Variants in RASGRF1 observed in about 807,000 individuals in gnomAD.
RASGRF1 encodes Ras protein specific guanine nucleotide releasing factor 1, also known as ras-specific guanine nucleotide-releasing factor 1.
In RASGRF1, 40 loss-of-function variants were observed where a neutral mutation model predicts 138.7. The observed-to-expected ratio is 0.29, with a 90% CI of 0.22 to 0.38. The LOEUF (loss-of-function observed/expected upper bound fraction) is 0.38, where lower values mean the gene tolerates loss of function less well. Ranked by LOEUF, RASGRF1 falls within the 10% of genes least tolerant of loss-of-function variation. RASGRF1 has a pLI of 1.00. For missense variants in RASGRF1, 1,108 were observed against 1,650.4 expected, an observed-to-expected ratio of 0.67 and a Z score of 5.69; for synonymous variants, 614 against 663.2, an observed-to-expected ratio of 0.93 and a Z score of 1.14.
chr15:78,996,626 G>A (rs944186717), intron 19 of RASGRF1, among the ~76,000 whole-genome samples: 3 of 152,210 alleles, frequency 2.0e-5, no homozygotes, highest in Admixed American at 6.5e-5. Context: ...ATCACACCCA[G>A]GGAACAGGCT....
At chr15:79,059,415 T>A (rs2141052197) in intron 2 of RASGRF1, among the ~76,000 whole-genome samples, 1 of 140,828 alleles carries the variant, frequency 7.1e-6, no homozygotes, top group Admixed American at 7.3e-5. Flanking sequence ...TTCCCTTCCC[T>A]TCCCTTCCCT....
intron 26 of RASGRF1, among the ~76,000 whole-genome samples, chr15:78,965,055 T>C (rs1244034552): frequency 3.9e-5 from 6 of 152,282 alleles, no homozygotes; most frequent in Non-Finnish European, 8.8e-5. Flanking sequence ...ATAAAATAAA[T>C]GTTGCAATGA....
intron 13 of RASGRF1, chr15:79,012,641 TTTTC>T (rs2056818287): frequency 1.4e-6 from 2 of 1,463,700 alleles, no homozygotes; most frequent in Admixed American, 4.3e-5. Flanking sequence ...TTTGTTATTT[TTTTC>T]TTTCATAGGT....
intron 1 of RASGRF1, among the ~76,000 whole-genome samples, chr15:79,070,615 A>G (rs1023705080): frequency 6.6e-6 from 1 of 151,842 alleles, no homozygotes; most frequent in African/African-American, 2.4e-5. Context: ...TGAGGTTCTC[A>G]CCTCAGTTTC....
chr15:78,985,327 G>C, intron 22 of RASGRF1, 123 bp from the exon 23 acceptor site: 1 of 1,064,882 alleles, frequency 9.4e-7, no homozygotes, highest in South Asian at 1.6e-5. Context: ...AAAACTACGA[G>C]AACAACTAAC....
intron 20 of RASGRF1, 34 bp from the exon 21 acceptor site, chr15:78,991,828 T>C: frequency 6.4e-7 from 1 of 1,566,080 alleles, no homozygotes. Context: ...CATTTTGAGT[T>C]AGGCCCATGA....
At chr15:79,086,115 G>T (rs1367841554) in intron 1 of RASGRF1, among the ~76,000 whole-genome samples, 1 of 152,164 alleles carries the variant, frequency 6.6e-6, no homozygotes, top group Non-Finnish European at 1.5e-5. Context: ...GCATGGTCTG[G>T]AACGGGTTGG....
intron 5 of RASGRF1, among the ~76,000 whole-genome samples, chr15:79,036,479 C>T (rs2057223972): frequency 6.6e-6 from 1 of 152,232 alleles, no homozygotes; most frequent in African/African-American, 2.4e-5. Context: ...TGGTGTTTCC[C>T]ACCTTGGGGT....
chr15:79,068,370 T>C (rs1255140306), intron 1 of RASGRF1, among the ~76,000 whole-genome samples: 1 of 151,848 alleles, frequency 6.6e-6, no homozygotes, highest in East Asian at 1.9e-4. Flanking sequence ...GTTGAGACAG[T>C]GTGGCTTGGG....
chr15:78,971,866 CT>C lies in RASGRF1; in HGVS notation c.3680del (p.Lys1227ArgfsTer2). The C allele has an allele frequency of 6.3e-7, 1 of 1,574,948 alleles. No homozygotes were observed. Among genetic ancestry groups the C allele is most frequent in the Non-Finnish European group, 8.7e-7 (1 of 1,144,344 alleles). Reference sequence around the variant, plus strand: ...GTGACCAGGAAAAGGCACAGCTTACCTTTGCTTGGTGCTCTATTTTGTAGGC... The same window carrying C: ...GTGACCAGGAAAAGGCACAGCTTACCTTGCTTGGTGCTCTATTTTGTAGGC... Reference protein sequence around the residue: ...QTAYKIEHQAKVTQYLLDQSF... With the variant: ...QTAYKIEHQAXVTQYLLDQSF... On this transcript the variant is annotated frameshift_variant and splice_region_variant, in exon 26 of 27. Coordinates refer to ENST00000558480, the MANE Select transcript of RASGRF1 (RefSeq NM_001145648.3). LOFTEE classifies it high-confidence loss of function.
chr15:79,054,216 C>G (rs139293055), intron 3 of RASGRF1, among the ~76,000 whole-genome samples: 32 of 151,824 alleles, frequency 2.1e-4, no homozygotes, highest in African/African-American at 6.8e-4. Flanking sequence ...TTATGGACAA[C>G]AACAAAAGTG....
chr15:79,062,812 G>T (rs2057625521), intron 2 of RASGRF1, among the ~76,000 whole-genome samples: 1 of 152,098 alleles, frequency 6.6e-6, no homozygotes, highest in Non-Finnish European at 1.5e-5. Flanking sequence ...CTAAAGGGTT[G>T]GGATTACAGG....
At chr15:79,067,767 G>C (rs1233226620) in intron 1 of RASGRF1, among the ~76,000 whole-genome samples, 3 of 152,200 alleles carry the variant, frequency 2.0e-5, no homozygotes, top group Non-Finnish European at 4.4e-5. Context: ...GGTAGGGACA[G>C]AGATAGAGAC....
At chr15:79,064,399 G>C (rs147526287) in intron 2 of RASGRF1, 21 bp downstream of exon 2, 1 of 1,607,458 alleles carries the variant, frequency 6.2e-7, no homozygotes, top group South Asian at 1.1e-5. Context: ...GGGGCTTCCT[G>C]CCCTGGGCAA....
At chr15:79,020,637 C>T (rs528050092) in intron 10 of RASGRF1, among the ~76,000 whole-genome samples, 6 of 152,288 alleles carry the variant, frequency 3.9e-5, no homozygotes, top group Admixed American at 2.6e-4. Context: ...CTCAAGGGCC[C>T]GATCCCAGTC....
chr15:79,079,468 A>AC (rs1269459950), intron 1 of RASGRF1, among the ~76,000 whole-genome samples: 2 of 151,964 alleles, frequency 1.3e-5, no homozygotes, highest in East Asian at 3.9e-4. Context: ...AAAAAAAAAA[A>AC]AAAATGATAG....
At chr15:79,037,192 A>G (rs1357043717) in intron 5 of RASGRF1, among the ~76,000 whole-genome samples, 1 of 152,120 alleles carries the variant, frequency 6.6e-6, no homozygotes, top group Non-Finnish European at 1.5e-5. Context: ...GCAAGAGACC[A>G]ACCCAGGGGT....
intron 5 of RASGRF1, among the ~76,000 whole-genome samples, chr15:79,038,446 A>T (rs1233799470): frequency 6.6e-6 from 1 of 152,214 alleles, no homozygotes; most frequent in Non-Finnish European, 1.5e-5. Context: ...ACTACTCAGA[A>T]ATTACTATCA....
intron 14 of RASGRF1, chr15:79,005,590 G>A: frequency 2.0e-6 from 2 of 986,416 alleles, no homozygotes; most frequent in Non-Finnish European, 2.4e-6. Context: ...ATTGCCCCAT[G>A]ACTTTTGAGA....
Sources: gnomAD v4.1 joint callset for allele counts (sites outside exome capture counted in the v4.1 genomes callset) on GRCh38, gnomAD v4.1.1 for gene constraint, MANE v1.5 for transcripts, NCBI Gene and HGNC (gene_info 2026-07-23, HGNC 2026-07-21) for gene names.